SLC9C2: variants seen among roughly 807,000 people sequenced by gnomAD.
The protein encoded by SLC9C2 is solute carrier family 9 member C2 (putative), also known as sodium/hydrogen exchanger 11.
In SLC9C2, 75 loss-of-function variants were observed where a neutral mutation model predicts 140.2. That is an observed-to-expected ratio of 0.53 (90% CI 0.44 to 0.65). SLC9C2 has a LOEUF of 0.65. Ranked by LOEUF, SLC9C2 falls within the 30% of genes least tolerant of loss-of-function variation. The pLI, the probability that SLC9C2 is intolerant of heterozygous loss-of-function variation, is 0.00. For missense variants in SLC9C2, 1,074 were observed against 1,331.8 expected, an observed-to-expected ratio of 0.81 and a Z score of 3.01; for synonymous variants, 375 against 420.9, an observed-to-expected ratio of 0.89 and a Z score of 1.34.
Position 173,501,068 on chromosome 1 carries a change from C to A in SLC9C2, c.*26G>T. The A allele has an allele frequency of 6.5e-7, 1 of 1,532,622 alleles. No individual in the cohort carries two copies. Among genetic ancestry groups the A allele is most frequent in the Non-Finnish European group, 8.8e-7 (1 of 1,140,308 alleles). 94.9% of individuals were successfully genotyped at this position (1,532,622 alleles called of 1,614,324 possible). A position where few individuals can be genotyped will look rare whatever the true frequency, so the allele number is the denominator to read the frequency against. On this transcript the variant is annotated 3_prime_UTR_variant, in exon 28 of 28. Transcript: ENST00000367714. ...ACACATCATATTTGTATCATTAATA[C>A]CCTTTTCTAAAATGGTATCCAGTTT...
chr1:173,553,664 T>C (rs1029044615), intron 11 of SLC9C2, among the ~76,000 whole-genome samples: 4 of 152,266 alleles, frequency 2.6e-5, no homozygotes, highest in African/African-American at 9.6e-5. Context: ...GTGCTTTTGA[T>C]TATAATTGAC....
intron 5 of SLC9C2, among the ~76,000 whole-genome samples, chr1:173,585,181 C>T (rs1665775028): frequency 6.6e-6 from 1 of 152,092 alleles, no homozygotes; most frequent in South Asian, 2.1e-4. Context: ...TCTTTTAAAA[C>T]AGGTAATGGA....
intron 19 of SLC9C2, 71 bp from the exon 20 acceptor site, chr1:173,524,998 C>T (rs1434066829): frequency 4.2e-6 from 6 of 1,442,072 alleles, no homozygotes; most frequent in East Asian, 2.4e-5. Context: ...TAGTATAATA[C>T]TGTATAATTT....
chr1:173,567,055 T>C (rs533488601), intron 9 of SLC9C2, among the ~76,000 whole-genome samples: 4 of 152,234 alleles, frequency 2.6e-5, no homozygotes, highest in African/African-American at 9.6e-5. Context: ...TCAGCTTTTT[T>C]GAACCTTTTA....
chr1:173,573,429 C>CAG (rs1264368757), intron 8 of SLC9C2, 104 bp from the exon 9 acceptor site: 1 of 850,248 alleles, frequency 1.2e-6, no homozygotes, highest in African/African-American at 1.8e-5. Flanking sequence ...GCTGTCTTAG[C>CAG]AGAGGCCCTT....
At chr1:173,514,423 C>T (rs1210818042) in intron 23 of SLC9C2, among the ~76,000 whole-genome samples, 1 of 152,038 alleles carries the variant, frequency 6.6e-6, no homozygotes, top group Non-Finnish European at 1.5e-5. Context: ...CCTTATTTGT[C>T]TTTTTTGATC....
intron 12 of SLC9C2, 72 bp from the exon 13 acceptor site, chr1:173,547,856 T>C: frequency 2.9e-6 from 3 of 1,033,384 alleles, no homozygotes; most frequent in Non-Finnish European, 4.4e-6. Context: ...GATTAGGAAC[T>C]GGCAAATACT....
chr1:173,504,251 G>A (rs990493458), intron 26 of SLC9C2, among the ~76,000 whole-genome samples: 1 of 152,158 alleles, frequency 6.6e-6, no homozygotes, highest in Non-Finnish European at 1.5e-5. Context: ...GAACCTCTGA[G>A]GTTCAAATTG....
At chr1:173,541,327 C>T (rs7523924) in intron 13 of SLC9C2, among the ~76,000 whole-genome samples, 34,968 of 151,986 alleles carry the variant, frequency 0.23, 4,796 homozygotes, top group East Asian at 0.64. Flanking sequence ...AATATATATG[C>T]ACTTAATACA....
chr1:173,569,247 C>T (rs1664687986), intron 9 of SLC9C2, among the ~76,000 whole-genome samples: 1 of 151,936 alleles, frequency 6.6e-6, no homozygotes, highest in South Asian at 2.1e-4. Flanking sequence ...ATTCTTTCTT[C>T]TGCTTGATCA....
At position 173,601,856 on chromosome 1, in the gene SLC9C2, C is replaced by A; in HGVS notation, c.-79-1G>T. On this transcript the variant is annotated splice_acceptor_variant, in intron 1 of 27. Coordinates refer to ENST00000367714, the MANE Select transcript of SLC9C2 (RefSeq NM_178527.4). LOFTEE classifies it low-confidence loss of function (5UTR_SPLICE). The stretch of plus-strand genomic sequence containing the variant: ...GACACTTTCACTTCTGCATGCTAAC[C>A]TGTATAGCATGCAAAAAGAACATGA... The A allele has an allele frequency of 2.6e-6, 4 of 1,544,534 alleles. No individual in the cohort carries two copies. Among genetic ancestry groups the A allele is most frequent in the Non-Finnish European group, 3.5e-6 (4 of 1,139,668 alleles).
chr1:173,570,116 G>C (rs1484975802), intron 9 of SLC9C2, among the ~76,000 whole-genome samples: 1 of 152,062 alleles, frequency 6.6e-6, no homozygotes, highest in Non-Finnish European at 1.5e-5. Flanking sequence ...CCTGGACTTG[G>C]GACCCCAAAA....
intron 15 of SLC9C2, 85 bp from the exon 16 acceptor site, chr1:173,534,767 A>C (rs2101999326): frequency 1.8e-6 from 2 of 1,136,480 alleles, no homozygotes; most frequent in East Asian, 6.6e-5. Flanking sequence ...CAAATCATTA[A>C]AATTAATTTG....
intron 21 of SLC9C2, 105 bp downstream of exon 21, chr1:173,523,864 T>C (rs928315894): frequency 6.9e-7 from 1 of 1,441,898 alleles, no homozygotes; most frequent in East Asian, 2.4e-5. Flanking sequence ...TTTCCCTGAA[T>C]TGGCCAGTAT....
intron 22 of SLC9C2, among the ~76,000 whole-genome samples, chr1:173,518,654 T>C (rs12035105): frequency 0.2 from 30,654 of 152,126 alleles, 4,287 homozygotes; most frequent in East Asian, 0.64. Context: ...TTTCAGAAAG[T>C]TTAGCTGTAA....
intron 25 of SLC9C2, among the ~76,000 whole-genome samples, chr1:173,505,963 T>G (rs1284438011): frequency 6.6e-6 from 1 of 152,186 alleles, no homozygotes; most frequent in Non-Finnish European, 1.5e-5. Context: ...CCCTGGTCTC[T>G]TAAGAAACTA....
intron 3 of SLC9C2, among the ~76,000 whole-genome samples, chr1:173,599,090 G>T (rs1666610075): frequency 6.6e-6 from 1 of 152,106 alleles, no homozygotes; most frequent in Admixed American, 6.5e-5. Context: ...GAACACAACT[G>T]CTGCCTTTTA....
chr1:173,590,487 A>G (rs957615231), intron 4 of SLC9C2, among the ~76,000 whole-genome samples: 1 of 152,162 alleles, frequency 6.6e-6, no homozygotes, highest in African/African-American at 2.4e-5. Flanking sequence ...GATAGTACCC[A>G]ACCCTATATA....
chr1:173,597,866 C>G, intron 4 of SLC9C2, 38 bp downstream of exon 4: 1 of 1,536,070 alleles, frequency 6.5e-7, no homozygotes. Context: ...CGTGCATAAG[C>G]AAGAATTGAT....
Sources: gnomAD v4.1 joint callset for allele counts (sites outside exome capture counted in the v4.1 genomes callset) on GRCh38, gnomAD v4.1.1 for gene constraint, MANE v1.5 for transcripts, NCBI Gene and HGNC (gene_info 2026-07-23, HGNC 2026-07-21) for gene names.